Variants in RFX4 observed in about 807,000 individuals in gnomAD.
RFX4 encodes regulatory factor X4, also known as transcription factor RFX4.
A neutral mutation model predicts 95.0 loss-of-function variants in RFX4; 10 were observed. That is an observed-to-expected ratio of 0.11 (90% confidence interval 0.06 to 0.18). RFX4 has a LOEUF of 0.18. RFX4 is among the 10% of genes least tolerant of loss of function. RFX4 has a pLI of 1.00. For synonymous variants in RFX4, 321 were observed against 340.7 expected, an observed-to-expected ratio of 0.94 and a Z score of 0.64; for missense variants, 640 against 922.0, an observed-to-expected ratio of 0.69 and a Z score of 3.96.
intron 1 of RFX4, among the ~76,000 whole-genome samples, chr12:106,601,867 C>G (rs1273580600): frequency 2.0e-5 from 3 of 152,186 alleles, no homozygotes; most frequent in Non-Finnish European, 2.9e-5. Context: ...GAAGGCAGCC[C>G]TCCTGCCTGA....
At chr12:106,734,655 C>T (rs1280348387) in intron 15 of RFX4, among the ~76,000 whole-genome samples, 1 of 151,678 alleles carries the variant, frequency 6.6e-6, no homozygotes. Context: ...CCCAAGCATC[C>T]GTGGAAGCCC....
At position 106,625,405 on chromosome 12, in the gene RFX4, A is replaced by AT. The variant is rs150719764; in HGVS notation, c.131-13927_131-13926insT. 4.5e-3 allele frequency among the ~76,000 whole-genome samples: 692 copies of AT among 152,324 alleles called. 3 individuals are homozygous for AT. The highest frequency in any genetic ancestry group is 0.016 in the African/African-American group (670 of 41,560). On this transcript the variant is annotated intron_variant, in intron 2 of 17. Coordinates refer to ENST00000392842, the MANE Select transcript of RFX4 (RefSeq NM_213594.3). ...AAATGCCTGATGGGTGAAGAAACCGAGCAAGAGTGGATGGGTTATTTACCA... is the reference window on the plus strand; with the variant it reads ...AAATGCCTGATGGGTGAAGAAACCGATGCAAGAGTGGATGGGTTATTTACCA...
chr12:106,675,663 C>T (rs187782930), intron 4 of RFX4, among the ~76,000 whole-genome samples: 9 of 152,230 alleles, frequency 5.9e-5, no homozygotes, highest in Admixed American at 2.6e-4. Context: ...CACATAACTA[C>T]GGTCACCCAA....
At chr12:106,632,596 G>C (rs112528609) in intron 2 of RFX4, among the ~76,000 whole-genome samples, 1,753 of 152,324 alleles carry the variant, frequency 0.012, 32 homozygotes, top group African/African-American at 0.04. Context: ...CACACTTGGT[G>C]CTGCTATAGC....
chr12:106,721,929 A>G (rs998846897), intron 13 of RFX4, among the ~76,000 whole-genome samples: 4 of 152,192 alleles, frequency 2.6e-5, no homozygotes, highest in African/African-American at 9.7e-5. Context: ...TATTTTTTCT[A>G]AACAGCCCTG....
chr12:106,666,918 T>C lies in RFX4; in HGVS notation c.315+12567T>C, dbSNP rs564357376. Among the ~76,000 whole-genome samples, 10 of 152,300 alleles carry C rather than the reference T, an allele frequency of 6.6e-5. No individual in the cohort carries two copies. The South Asian group carries it at 1.9e-3, about 28-fold the overall frequency. On this transcript the variant is annotated intron_variant, in intron 4 of 17. Coordinates refer to ENST00000392842, the MANE Select transcript of RFX4 (RefSeq NM_213594.3). ...CCTTGTCTGGTTCTGAGCCTTGCTG[T>C]TTCTTTAAATTGTGTTTTAGCATGC...
At chr12:106,650,622 G>T (rs940293586) in intron 3 of RFX4, among the ~76,000 whole-genome samples, 1 of 152,088 alleles carries the variant, frequency 6.6e-6, no homozygotes, top group African/African-American at 2.4e-5. Flanking sequence ...CAGCTACTCA[G>T]GAAACTGAGG....
At chr12:106,660,693 C>T (rs1349732177) in intron 4 of RFX4, among the ~76,000 whole-genome samples, 7 of 152,082 alleles carry the variant, frequency 4.6e-5, no homozygotes, top group Non-Finnish European at 1.0e-4. Flanking sequence ...TGGTACTAGT[C>T]TGTGGTCTGT....
intron 15 of RFX4, among the ~76,000 whole-genome samples, chr12:106,741,091 T>A (rs2042796568): frequency 6.6e-6 from 1 of 152,216 alleles, no homozygotes; most frequent in Non-Finnish European, 1.5e-5. Flanking sequence ...CGGTCAGTTC[T>A]GTCAATCAGA....
At chr12:106,689,765 G>T (rs1479399197) in intron 7 of RFX4, among the ~76,000 whole-genome samples, 1 of 152,106 alleles carries the variant, frequency 6.6e-6, no homozygotes, top group Non-Finnish European at 1.5e-5. Context: ...TTTTCCTGAG[G>T]CTTGTCCACT....
At position 106,732,171 on chromosome 12, in the gene RFX4, C is replaced by G; in HGVS notation, c.1393C>G (p.Leu465Val). Residue 465 changes from leucine (L) to valine (V), a missense_variant, in exon 14 of 18, where the codon CTC (leucine) becomes GTC (valine). Around this residue, in one of 7 missense-constraint regions of RFX4, gnomAD observed 300 missense variants for 346.8 expected, o/e 0.87. Coordinates refer to ENST00000392842, the MANE Select transcript of RFX4 (RefSeq NM_213594.3). The stretch of plus-strand genomic sequence containing the variant: ...TCACTTAATGTTTGATGACTACGTG[C>G]TCTACCTGTTAGAATCTCTGCACTG... ...LIHLMFDDYV[L>V]YLLESLHCQE... 1 of 1,613,958 alleles carries G rather than the reference C, an allele frequency of 6.2e-7. No homozygotes were observed. The highest frequency in any genetic ancestry group is 8.5e-7 in the Non-Finnish European group (1 of 1,179,878).
Position 106,720,192 on chromosome 12 carries a change from C to G in RFX4, c.1233+138C>G. 1.2e-5 allele frequency: 8 copies of G among 682,326 alleles called. No individual in the cohort carries two copies. Among genetic ancestry groups the G allele is most frequent in the Non-Finnish European group, 2.1e-5 (8 of 389,412 alleles). 42.3% of individuals were successfully genotyped at this position (682,326 alleles called of 1,614,324 possible). A position where few individuals can be genotyped will look rare whatever the true frequency, so the allele number is the denominator to read the frequency against. On this transcript the variant is annotated intron_variant, in intron 12 of 17. Coordinates refer to ENST00000392842, the MANE Select transcript of RFX4 (RefSeq NM_213594.3). The surrounding 1 kb of genome is among the most constrained non-coding windows in gnomAD (Gnocchi z 4.2). ...GAGAGGCCCCAGGAGGTGGAGGGGT[C>G]AGGAGGCAGGACTCTTGAGTCTTCC... is the stretch of plus-strand genomic sequence containing the variant.
intron 1 of RFX4, among the ~76,000 whole-genome samples, chr12:106,584,540 C>G (rs896342120): frequency 6.6e-6 from 1 of 152,174 alleles, no homozygotes; most frequent in African/African-American, 2.4e-5. Context: ...CCTGAGCATG[C>G]ACGTCCTTTC....
At chr12:106,678,414 A>G (rs2041439361) in intron 4 of RFX4, among the ~76,000 whole-genome samples, 1 of 152,176 alleles carries the variant, frequency 6.6e-6, no homozygotes, top group Non-Finnish European at 1.5e-5. Context: ...AAACAAAACA[A>G]TGCTGCTTTC....
chr12:106,757,350 T>A (rs1199500251), intron 17 of RFX4, among the ~76,000 whole-genome samples: 1 of 151,996 alleles, frequency 6.6e-6, no homozygotes, highest in Non-Finnish European at 1.5e-5. Context: ...AAGTTTGAGA[T>A]CAGCCTGGGC....
At chr12:106,641,072 T>C (rs34522532) in intron 3 of RFX4, among the ~76,000 whole-genome samples, 120,658 of 152,148 alleles carry the variant, frequency 0.79, 48,432 homozygotes, top group Middle Eastern at 0.92. Context: ...TAAGCCACCA[T>C]GCCTGGCCAA....
chr12:106,638,197 G>A (rs1275732600), intron 2 of RFX4, among the ~76,000 whole-genome samples: 1 of 151,848 alleles, frequency 6.6e-6, no homozygotes, highest in Non-Finnish European at 1.5e-5. Flanking sequence ...TAGTACAGAC[G>A]GGGTTTCACC....
chr12:106,759,523 A>G (rs2043172576), intron 17 of RFX4, among the ~76,000 whole-genome samples: 1 of 152,152 alleles, frequency 6.6e-6, no homozygotes, highest in Non-Finnish European at 1.5e-5. Flanking sequence ...CAATCTTACT[A>G]TGGTCTCACT....
chr12:106,731,146 G>A (rs1284310523), intron 13 of RFX4, among the ~76,000 whole-genome samples: 2 of 152,210 alleles, frequency 1.3e-5, no homozygotes, highest in Admixed American at 1.3e-4. Context: ...TTGGGACCTG[G>A]AAACATGGGA....
Sources: allele counts gnomAD v4.1 joint callset (sites outside exome capture counted in the v4.1 genomes callset), GRCh38; gene constraint gnomAD v4.1.1; regional missense constraint gnomAD v4.1.1; non-coding constraint Gnocchi (gnomAD v3.1); transcripts MANE v1.5; gene names NCBI Gene and HGNC (gene_info 2026-07-23, HGNC 2026-07-21).